CCDC178: variants seen among roughly 807,000 people sequenced by gnomAD.
CCDC178 encodes coiled-coil domain-containing protein 178.
In CCDC178, 126 loss-of-function variants were observed where a neutral mutation model predicts 117.4. The ratio of observed to expected loss-of-function variants is 1.07; its 90% CI spans 0.93 to 1.24. The LOEUF (loss-of-function observed/expected upper bound fraction) is 1.24, where lower values mean the gene tolerates loss of function less well. CCDC178 is among the 50% of genes most tolerant of loss of function. CCDC178 has a pLI of 0.00. For missense variants in CCDC178, 1,030 were observed against 986.9 expected, an observed-to-expected ratio of 1.04 and a Z score of -0.59; for synonymous variants, 283 against 313.4, an observed-to-expected ratio of 0.90 and a Z score of 1.02.
At chr18:33,378,250 T>C (rs915178421) in intron 5 of CCDC178, among the ~76,000 whole-genome samples, 1 of 152,222 alleles carries the variant, frequency 6.6e-6, no homozygotes, top group African/African-American at 2.4e-5. Flanking sequence ...AGCGTGAACA[T>C]TCTTGGTATA....
At chr18:33,409,779 A>C (rs923152100) in intron 3 of CCDC178, among the ~76,000 whole-genome samples, 2 of 152,182 alleles carry the variant, frequency 1.3e-5, no homozygotes, top group Non-Finnish European at 2.9e-5. Context: ...CCAAAGTGAC[A>C]AAAGTAAATT....
intron 6 of CCDC178, among the ~76,000 whole-genome samples, chr18:33,368,339 AC>A (rs2063246026): frequency 1.3e-5 from 2 of 151,960 alleles, no homozygotes; most frequent in East Asian, 3.9e-4. Flanking sequence ...ATCTTCATTT[AC>A]TTTTTTATTC....
intron 12 of CCDC178, among the ~76,000 whole-genome samples, chr18:33,279,757 T>C (rs377472606): frequency 1.3e-5 from 2 of 152,048 alleles, no homozygotes; most frequent in African/African-American, 2.4e-5. Context: ...AACAGAGATA[T>C]AGATCAATGG....
At chr18:33,383,240 CA>C (rs977735186) in intron 5 of CCDC178, among the ~76,000 whole-genome samples, 1 of 152,138 alleles carries the variant, frequency 6.6e-6, no homozygotes, top group Non-Finnish European at 1.5e-5. Flanking sequence ...TGGGAAAGAG[CA>C]CCTTGGGGAA....
intron 11 of CCDC178, among the ~76,000 whole-genome samples, chr18:33,316,401 A>G (rs2062417762): frequency 6.6e-6 from 1 of 152,152 alleles, no homozygotes; most frequent in Non-Finnish European, 1.5e-5. Context: ...CCCGGGCCTT[A>G]GCTGCCTCCC....
At chr18:33,349,916 T>G (rs1362488710) in intron 7 of CCDC178, among the ~76,000 whole-genome samples, 1 of 151,912 alleles carries the variant, frequency 6.6e-6, no homozygotes, top group East Asian at 1.9e-4. Flanking sequence ...TTTCAGTGTA[T>G]TTTACTACCA....
chr18:33,048,417 T>TAGAA (rs1328071252), intron 21 of CCDC178, among the ~76,000 whole-genome samples: 1 of 152,200 alleles, frequency 6.6e-6, no homozygotes, highest in African/African-American at 2.4e-5. Flanking sequence ...TAGAAGTTTC[T>TAGAA]AGAAGCAGCT....
Position 33,370,047 on chromosome 18 carries a change from T to C in CCDC178, c.348+3A>G. On this transcript the variant is annotated splice_donor_region_variant and intron_variant, in intron 6 of 22. Transcript: ENST00000383096. ...ATATCAGCATTTTAAATTAGTCTCT[T>C]ACCCTTTTCAAATGCTCCTGTATTT... The C allele has an allele frequency of 2.5e-6, 4 of 1,576,404 alleles. No individual in the cohort carries two copies. Among genetic ancestry groups the C allele is most frequent in the Non-Finnish European group, 3.4e-6 (4 of 1,164,240 alleles).
At position 32,945,439 on chromosome 18, in the gene CCDC178, T is replaced by C. The variant is rs542025974; in HGVS notation, c.2524-7348A>G. On this transcript the variant is annotated intron_variant, in intron 22 of 22. Coordinates refer to ENST00000383096, the MANE Select transcript of CCDC178 (RefSeq NM_001105528.4). ...TTATACAAAACAATTTAGCATTGCA[T>C]TTTAATTTTGTTACATAAACAAAAT... 2.0e-5 allele frequency among the ~76,000 whole-genome samples: 3 copies of C among 152,342 alleles called. No homozygotes were observed. The East Asian group carries it at 5.8e-4, about 29-fold the overall frequency.
intron 21 of CCDC178, among the ~76,000 whole-genome samples, chr18:32,995,954 T>C (rs2055498217): frequency 1.3e-5 from 2 of 151,794 alleles, no homozygotes; most frequent in Admixed American, 6.6e-5. Flanking sequence ...TCTATGTCTC[T>C]CTCTATATTT....
At chr18:33,088,973 A>G (rs1190381572) in intron 21 of CCDC178, among the ~76,000 whole-genome samples, 1 of 152,140 alleles carries the variant, frequency 6.6e-6, no homozygotes, top group Non-Finnish European at 1.5e-5. Flanking sequence ...TTTAAAGAGG[A>G]GGGCAATATT....
At chr18:33,431,191 C>CTTTTTTTT (rs35139388) in intron 2 of CCDC178, among the ~76,000 whole-genome samples, 206 of 117,078 alleles carry the variant, frequency 1.8e-3, no homozygotes, top group East Asian at 7.3e-3. Flanking sequence ...AATGATTTAA[C>CTTTTTTTT]TTTTTTTTTT....
intron 21 of CCDC178, among the ~76,000 whole-genome samples, chr18:32,992,516 GGAAGA>G (rs1440078654): frequency 2.0e-5 from 3 of 152,256 alleles, no homozygotes; most frequent in East Asian, 1.9e-4. Context: ...TACAGAAAAT[GGAAGA>G]GAAAAGGTAT....
At chr18:33,354,566 G>T (rs8096257) in intron 7 of CCDC178, among the ~76,000 whole-genome samples, 1 of 150,518 alleles carries the variant, frequency 6.6e-6, no homozygotes, top group African/African-American at 2.4e-5. Flanking sequence ...AACCCTTCTA[G>T]TGAAGTTTTT....
intron 3 of CCDC178, among the ~76,000 whole-genome samples, chr18:33,405,714 T>C (rs1049104849): frequency 6.6e-6 from 1 of 152,156 alleles, no homozygotes; most frequent in South Asian, 2.1e-4. Context: ...GTAGATGTAG[T>C]ACAACAAAAA....
chr18:33,126,177 G>A (rs953380482), intron 20 of CCDC178, among the ~76,000 whole-genome samples: 15 of 152,026 alleles, frequency 9.9e-5, no homozygotes, highest in African/African-American at 3.4e-4. Context: ...GATGGTGTCC[G>A]TAGACATGGA....
At chr18:33,420,389 T>G (rs556513113) in intron 2 of CCDC178, among the ~76,000 whole-genome samples, 1 of 152,298 alleles carries the variant, frequency 6.6e-6, no homozygotes, top group South Asian at 2.1e-4. Flanking sequence ...CAAGTCTCAC[T>G]GTCTCCAAGG....
chr18:33,274,863 C>T (rs906659944), intron 12 of CCDC178, among the ~76,000 whole-genome samples: 6 of 152,032 alleles, frequency 3.9e-5, no homozygotes, highest in Non-Finnish European at 8.8e-5. Flanking sequence ...ATCATGAGCA[C>T]ACCTTAAGCA....
chr18:33,431,991 A>T (rs993966759), intron 2 of CCDC178, among the ~76,000 whole-genome samples: 2 of 152,144 alleles, frequency 1.3e-5, no homozygotes, highest in Non-Finnish European at 2.9e-5. Context: ...GCAGCAAAGG[A>T]GGTGACCAGA....
Sources: gnomAD v4.1 joint callset for allele counts (sites outside exome capture counted in the v4.1 genomes callset) on GRCh38, gnomAD v4.1.1 for gene constraint, MANE v1.5 for transcripts, NCBI Gene and HGNC (gene_info 2026-07-23, HGNC 2026-07-21) for gene names.